The following NPHP1 variants were observed in gnomAD, a reference collection of about 807,000 sequenced individuals.
The protein encoded by NPHP1 is nephrocystin 1, also known as nephrocystin-1.
NPHP1 carries 70 observed loss-of-function variants against 90.4 expected under a neutral mutation model. The ratio of observed to expected loss-of-function variants is 0.77; its 90% confidence interval spans 0.64 to 0.95. The LOEUF is 0.95. NPHP1 is among the 40% of genes least tolerant of loss of function. The pLI is 0.00. For synonymous variants in NPHP1, 256 were observed against 271.7 expected (o/e 0.94, Z 0.57); for missense variants, 764 against 795.9 (o/e 0.96, Z 0.48).
chr2:110,160,045 G>C, intron 11 of NPHP1, 82 bp downstream of exon 11: 2 of 1,432,056 alleles, frequency 1.4e-6, no homozygotes, highest in Non-Finnish European at 2.0e-6. Flanking sequence ...TGGGAATTGG[G>C]GAGGAGTTGA....
Position 110,179,643 on chromosome 2 carries a change from G to T in NPHP1, c.185C>A (p.Ala62Asp), listed in dbSNP as rs1190262872. 1.5e-6 allele frequency: 2 copies of T among 1,366,282 alleles called. No homozygotes were observed. The highest frequency in any genetic ancestry group is 1.2e-5 in the South Asian group (1 of 85,736). 84.6% of individuals were successfully genotyped at this position (1,366,282 alleles called of 1,614,324 possible). A position where few individuals can be genotyped will look rare whatever the true frequency, so the allele number is the denominator to read the frequency against. Residue 62 changes from alanine (A) to aspartate (D), a missense_variant, in exon 3 of 20, where the codon GCT (alanine) becomes GAT (aspartate). Ala to Asp is a moderately radical substitution (Grantham distance 126). Transcript: ENST00000445609. Reference protein sequence around the residue: ...LKQAIDENKNALQKLSKADES... With the variant: ...LKQAIDENKNDLQKLSKADES... Reference sequence around the variant, plus strand: ...ACTTACTTTGCTTAATTTTTGAAGAGCATTTTTATTTTCATCTATTGCCTG... The same window carrying T: ...ACTTACTTTGCTTAATTTTTGAAGATCATTTTTATTTTCATCTATTGCCTG...
At position 110,143,635 on chromosome 2, in the gene NPHP1, C is replaced by T. The variant is rs960255611; in HGVS notation, c.1436G>A (p.Gly479Asp). 1.9e-6 allele frequency: 3 copies of T among 1,610,948 alleles called. No individual in the cohort carries two copies. Among genetic ancestry groups the T allele is most frequent in the Non-Finnish European group, 2.5e-6 (3 of 1,177,320 alleles). ...VDPSISRRAH[G>D]SVFYQIMTMR... ...TGTCATAATCTGGTAGAAAACACTG[C>T]CGTGTGCTTTTAAGAAAAATCAAAA... Residue 479 changes from glycine to aspartate, a missense_variant, in exon 16 of 20, where the codon GGC becomes GAC. Physicochemically the swap from Gly to Asp is moderately conservative, Grantham distance 94 (BLOSUM62 -1). Transcript: ENST00000445609.
In NPHP1 at chr2:110,161,356, T is replaced by C. The variant is rs1479514654; in HGVS notation, c.954+247A>G. Among the ~76,000 whole-genome samples the C allele has an allele frequency of 9.2e-5, 14 of 152,258 alleles. No homozygotes were observed. The South Asian group carries it at 2.1e-3, about 23-fold the overall frequency. On this transcript the variant is annotated intron_variant, in intron 10 of 19. Coordinates refer to ENST00000445609, the MANE Select transcript of NPHP1 (RefSeq NM_001128178.3). ...AAATTGAGGCAAAGAATGATTAAGA[T>C]AGAAACCTAGTATTATTTCCTTTCT...
intron 15 of NPHP1, 36 bp downstream of exon 15, chr2:110,144,457 C>T (rs1218892867): frequency 7.2e-7 from 1 of 1,384,730 alleles, no homozygotes; most frequent in Non-Finnish European, 1.0e-6. Flanking sequence ...TTTGTTTAAT[C>T]TTTAAGGAAA....
chr2:110,178,614 C>CA, intron 3 of NPHP1, 67 bp from the exon 4 acceptor site: 2 of 1,468,644 alleles, frequency 1.4e-6, no homozygotes, highest in South Asian at 1.2e-5. Context: ...AAAAGAACAA[C>CA]AAAAAATTCC....
chr2:110,190,706 C>T (rs540816072), intron 2 of NPHP1, among the ~76,000 whole-genome samples: 5 of 152,296 alleles, frequency 3.3e-5, no homozygotes, highest in East Asian at 1.9e-4. Flanking sequence ...GCAGAGGAGG[C>T]GCCAAGAGTG....
At chr2:110,146,532 A>C (rs916129770) in intron 14 of NPHP1, among the ~76,000 whole-genome samples, 7 of 152,096 alleles carry the variant, frequency 4.6e-5, no homozygotes, top group Non-Finnish European at 8.8e-5. Context: ...TAGTGCAAAC[A>C]TCTTTTAAAA....
chr2:110,161,794 C>A, intron 9 of NPHP1, 97 bp from the exon 10 acceptor site: 3 of 793,688 alleles, frequency 3.8e-6, no homozygotes, highest in Non-Finnish European at 4.2e-6. Flanking sequence ...CAGGCACTTC[C>A]AAAATGCCAC....
Position 110,168,542 on chromosome 2 carries a change from A to T in NPHP1, c.534T>A (p.Ile178=). 1.2e-6 allele frequency: 2 copies of T among 1,609,000 alleles called. No homozygotes were observed. The highest frequency in any genetic ancestry group is 1.7e-6 in the Non-Finnish European group (2 of 1,175,504). The change falls in exon 6 of 20, where the codon ATT becomes ATA. Residue 178 remains isoleucine, a synonymous_variant. Transcript: ENST00000445609. ...CAGGTTTTTTTTCAATTACAAGGAG[A>T]ATTTCCCCTTTCTTAAAGCAAAACA... ...VGDLTFKKGE[I]LLVIEKKPDG...
intron 1 of NPHP1, chr2:110,202,359 C>A: frequency 4.8e-6 from 2 of 414,918 alleles, no homozygotes; most frequent in Non-Finnish European, 5.0e-6. Flanking sequence ...GTGTTATTTA[C>A]AAAATTCACA....
chr2:110,164,161 C>A, intron 8 of NPHP1: 1 of 303,236 alleles, frequency 3.3e-6, no homozygotes, highest in East Asian at 8.7e-5. Flanking sequence ...CTCAGCCTCC[C>A]GAGTAGCTGG....
intron 6 of NPHP1, among the ~76,000 whole-genome samples, chr2:110,165,948 A>T (rs940113123): frequency 1.3e-5 from 2 of 152,194 alleles, no homozygotes; most frequent in African/African-American, 4.8e-5. Flanking sequence ...AAGAAAACCG[A>T]AAGTGCCATT....
chr2:110,143,067 T>C (rs1383137595), intron 16 of NPHP1, among the ~76,000 whole-genome samples: 1 of 152,170 alleles, frequency 6.6e-6, no homozygotes, highest in Non-Finnish European at 1.5e-5. Flanking sequence ...TGCCTGAGGC[T>C]GGGGATACAG....
Position 110,160,120 on chromosome 2 carries a change from A to T in NPHP1, c.1083+7T>A, listed in dbSNP as rs773132396. On this transcript the variant is annotated splice_region_variant and intron_variant, in intron 11 of 19. Transcript: ENST00000445609. Reference sequence around the variant, plus strand: ...GTATGAATTGATTTACTTCTCAGTAACCTTACCTTATTACCATCAAATAGA... The same window carrying T: ...GTATGAATTGATTTACTTCTCAGTATCCTTACCTTATTACCATCAAATAGA... 17 of 1,612,534 alleles carry T rather than the reference A, an allele frequency of 1.1e-5. No homozygotes were observed. In the South Asian group the frequency reaches 1.9e-4, roughly 18 times the overall value.
intron 16 of NPHP1, among the ~76,000 whole-genome samples, chr2:110,137,996 T>C (rs1453135069): frequency 6.6e-6 from 1 of 151,634 alleles, no homozygotes; most frequent in East Asian, 1.9e-4. Flanking sequence ...TATGCAGCCA[T>C]AAAAAATGAT....
chr2:110,179,625 T>C lies in NPHP1; in HGVS notation c.203A>G (p.Lys68Arg). The C allele has an allele frequency of 7.6e-7, 1 of 1,315,592 alleles. No individual in the cohort carries two copies. Among genetic ancestry groups the C allele is most frequent in the African/African-American group, 1.4e-5 (1 of 69,204 alleles). 81.5% of individuals were successfully genotyped at this position (1,315,592 alleles called of 1,614,324 possible). Residue 68 changes from lysine (K) to arginine (R), a missense_variant and splice_region_variant, in exon 3 of 20, where the codon AAA (lysine) becomes AGA (arginine). Transcript: ENST00000445609. Reference protein sequence around the residue: ...ENKNALQKLSKADESAPVANY... With the variant: ...ENKNALQKLSRADESAPVANY... ...AATGTGATTAACCTCAATACTTACT[T>C]TGCTTAATTTTTGAAGAGCATTTTT...
chr2:110,200,595 G>A (rs1685515507), intron 2 of NPHP1, among the ~76,000 whole-genome samples: 1 of 152,106 alleles, frequency 6.6e-6, no homozygotes, highest in African/African-American at 2.4e-5. Context: ...ATGATTTTTA[G>A]TTTACTAACA....
chr2:110,143,080 C>A (rs1325234616), intron 16 of NPHP1, among the ~76,000 whole-genome samples: 1 of 152,136 alleles, frequency 6.6e-6, no homozygotes, highest in East Asian at 1.9e-4. Flanking sequence ...GGATACAGAG[C>A]TGACTACAAA....
chr2:110,194,349 C>A (rs1232084547), intron 2 of NPHP1, among the ~76,000 whole-genome samples: 2 of 152,052 alleles, frequency 1.3e-5, no homozygotes, highest in Non-Finnish European at 2.9e-5. Context: ...CACAGAAATA[C>A]CAACTACCAT....
Sources: allele counts gnomAD v4.1 joint callset (sites outside exome capture counted in the v4.1 genomes callset), GRCh38; gene constraint gnomAD v4.1.1; transcripts MANE v1.5; gene names NCBI Gene and HGNC (gene_info 2026-07-23, HGNC 2026-07-21).